Variants in CTNNA3 observed in about 807,000 individuals in gnomAD.
The protein encoded by CTNNA3 is catenin alpha 3.
CTNNA3 carries 76 observed loss-of-function variants against 95.7 expected under a neutral mutation model. The observed-to-expected ratio is 0.79, with a 90% confidence interval of 0.66 to 0.96. CTNNA3 has a LOEUF of 0.96. Among genes scored for constraint, CTNNA3 ranks in the 40% least tolerant of loss-of-function variants. The pLI, the probability that CTNNA3 is intolerant of heterozygous loss-of-function variation, is 0.00. For missense variants in CTNNA3, 1,191 were observed against 1,089.8 expected (o/e 1.09, Z -1.31); for synonymous variants, 431 against 374.4 (o/e 1.15, Z -1.74).
intron 10 of CTNNA3, among the ~76,000 whole-genome samples, chr10:66,524,057 C>T (rs1293558972): frequency 6.6e-6 from 1 of 152,142 alleles, no homozygotes; most frequent in Non-Finnish European, 1.5e-5. Flanking sequence ...CTTTGTACCT[C>T]TGTGACTGTT....
chr10:66,017,005 T>C (rs879598052), intron 15 of CTNNA3, among the ~76,000 whole-genome samples: 2 of 152,144 alleles, frequency 1.3e-5, no homozygotes, highest in Admixed American at 1.3e-4. Flanking sequence ...CTCTCCCTTT[T>C]TTCAATCTAA....
intron 11 of CTNNA3, among the ~76,000 whole-genome samples, chr10:66,486,221 GAA>G (rs1839720497): frequency 6.6e-6 from 1 of 152,112 alleles, no homozygotes; most frequent in Non-Finnish European, 1.5e-5. Flanking sequence ...ACATCAAACT[GAA>G]AATCATTTGT....
At chr10:66,566,520 C>T (rs942497052) in intron 10 of CTNNA3, among the ~76,000 whole-genome samples, 3 of 152,136 alleles carry the variant, frequency 2.0e-5, no homozygotes, top group Admixed American at 6.5e-5. Flanking sequence ...AACGCAAAAG[C>T]AATTTTCATG....
chr10:66,448,267 A>G (rs951220531), intron 11 of CTNNA3, among the ~76,000 whole-genome samples: 1 of 152,178 alleles, frequency 6.6e-6, no homozygotes, highest in Non-Finnish European at 1.5e-5. Context: ...AAGTCAGTGT[A>G]GTGATTCCAC....
chr10:67,249,345 C>T (rs375873418), intron 5 of CTNNA3, among the ~76,000 whole-genome samples: 1 of 152,104 alleles, frequency 6.6e-6, no homozygotes, highest in Admixed American at 6.6e-5. Context: ...TTCCAGGACC[C>T]TCATGGAAAC....
At position 67,007,852 on chromosome 10, in the gene CTNNA3, CAG is replaced by C. The variant is rs1247800573; in HGVS notation, c.1047+172463_1047+172464del. Among the ~76,000 whole-genome samples, 14 of 152,080 alleles carry C rather than the reference CAG, an allele frequency of 9.2e-5. No homozygotes were observed. The South Asian group carries it at 1.9e-3, about 20-fold the overall frequency. On this transcript the variant is annotated intron_variant, in intron 7 of 17. Transcript: ENST00000433211. ...ATTCACCTCAAAATAGCCATTATTT[CAG>C]ATATTTTGATAAAAATATATACAAA...
intron 9 of CTNNA3, among the ~76,000 whole-genome samples, chr10:66,713,228 C>A (rs961935920): frequency 2.6e-5 from 4 of 152,110 alleles, no homozygotes; most frequent in African/African-American, 4.8e-5. Context: ...CTTTTCAAAT[C>A]ATTTCTTCCT....
At chr10:67,739,426 A>G (rs1841322122) in intron 1 of CTNNA3, among the ~76,000 whole-genome samples, 1 of 152,178 alleles carries the variant, frequency 6.6e-6, no homozygotes, top group Non-Finnish European at 1.5e-5. Flanking sequence ...TCAGCCCAAA[A>G]TCTCCTTAAG....
intron 11 of CTNNA3, among the ~76,000 whole-genome samples, chr10:66,445,142 C>T (rs1194910972): frequency 6.6e-6 from 1 of 151,786 alleles, no homozygotes; most frequent in Non-Finnish European, 1.5e-5. Context: ...TATACATGCA[C>T]CCAATACAGG....
intron 5 of CTNNA3, among the ~76,000 whole-genome samples, chr10:67,332,271 CA>C (rs749386574): frequency 5.9e-5 from 9 of 152,096 alleles, no homozygotes; most frequent in Non-Finnish European, 1.3e-4. Flanking sequence ...TAAAGTGAAA[CA>C]AAAGGGCATT....
intron 7 of CTNNA3, chr10:66,926,838 GA>G: frequency 8.1e-7 from 1 of 1,236,080 alleles, no homozygotes; most frequent in Non-Finnish European, 1.1e-6. Context: ...TTTTAAAAAT[GA>G]AAAATATATG....
intron 7 of CTNNA3, among the ~76,000 whole-genome samples, chr10:66,995,583 T>C (rs1170666557): frequency 6.6e-6 from 1 of 152,202 alleles, no homozygotes; most frequent in Non-Finnish European, 1.5e-5. Flanking sequence ...TTACAAATCC[T>C]TAACATTATT....
At chr10:67,677,660 C>T (rs1156983020) in intron 1 of CTNNA3, among the ~76,000 whole-genome samples, 1 of 152,004 alleles carries the variant, frequency 6.6e-6, no homozygotes, top group Admixed American at 6.6e-5. Flanking sequence ...TAGACACCTC[C>T]TAGCAATACA....
rs1389359043 is a variant in CTNNA3 at position 65,917,101 on chromosome 10, A to G, written c.*3229T>C. On this transcript the variant is annotated 3_prime_UTR_variant, in exon 18 of 18. Coordinates refer to ENST00000433211, the MANE Select transcript of CTNNA3 (RefSeq NM_013266.4). ...TGGAGGACCTTATTCCCTGTACATA[A>G]GAGATTTTTATGGGGAACAAATATG... The G allele has an allele frequency of 6.6e-6, 1 of 152,206 alleles. No homozygotes were observed. Among genetic ancestry groups the G allele is most frequent in the Non-Finnish European group, 1.5e-5 (1 of 68,042 alleles). 9.4% of individuals were successfully genotyped at this position (152,206 alleles called of 1,614,324 possible).
At chr10:67,153,711 C>T (rs945763744) in intron 7 of CTNNA3, among the ~76,000 whole-genome samples, 1 of 152,070 alleles carries the variant, frequency 6.6e-6, no homozygotes, top group Non-Finnish European at 1.5e-5. Context: ...GTATGTTTTA[C>T]GTTAATTTGC....
chr10:67,145,825 C>T (rs1860815911), intron 7 of CTNNA3, among the ~76,000 whole-genome samples: 1 of 152,112 alleles, frequency 6.6e-6, no homozygotes, highest in Non-Finnish European at 1.5e-5. Flanking sequence ...AAAGTTACCA[C>T]ATGTGCAAAA....
chr10:67,011,051 C>A (rs1044557319), intron 7 of CTNNA3, among the ~76,000 whole-genome samples: 2 of 151,920 alleles, frequency 1.3e-5, no homozygotes, highest in African/African-American at 2.4e-5. Context: ...CAATATAGGC[C>A]AGGCGCGGTG....
intron 6 of CTNNA3, among the ~76,000 whole-genome samples, chr10:67,215,150 T>G (rs1396216909): frequency 6.6e-6 from 1 of 152,110 alleles, no homozygotes; most frequent in Non-Finnish European, 1.5e-5. Flanking sequence ...CAAATATCTT[T>G]CAGATCACCA....
chr10:67,275,723 A>G (rs996640080), intron 5 of CTNNA3, among the ~76,000 whole-genome samples: 1 of 152,194 alleles, frequency 6.6e-6, no homozygotes, highest in Admixed American at 6.5e-5. Flanking sequence ...CATGTATCAC[A>G]TTATAAACTG....
Sources: allele counts gnomAD v4.1 joint callset (sites outside exome capture counted in the v4.1 genomes callset), GRCh38; gene constraint gnomAD v4.1.1; transcripts MANE v1.5; gene names NCBI Gene and HGNC (gene_info 2026-07-23, HGNC 2026-07-21).